Variants in USP24 observed in about 807,000 individuals in gnomAD.
USP24 encodes the protein ubiquitin specific peptidase 24, also known as ubiquitin carboxyl-terminal hydrolase 24.
Under a neutral mutation model 361.6 loss-of-function variants are expected in USP24, and 97 were observed. The observed-to-expected ratio is 0.27, with a 90% CI of 0.23 to 0.32. The LOEUF (loss-of-function observed/expected upper bound fraction) is 0.32, where lower values mean the gene tolerates loss of function less well. Ranked by LOEUF, USP24 falls within the 10% of genes least tolerant of loss-of-function variation. The pLI is 1.00. For missense variants in USP24, 2,353 were observed against 3,165.6 expected, an observed-to-expected ratio of 0.74 and a Z score of 6.16; for synonymous variants, 1,098 against 1,124.6, an observed-to-expected ratio of 0.98 and a Z score of 0.47.
intron 28 of USP24, among the ~76,000 whole-genome samples, chr1:55,135,073 C>T (rs1369067987): frequency 1.3e-5 from 2 of 152,142 alleles, no homozygotes; most frequent in Non-Finnish European, 2.9e-5. Context: ...ATACTATGTA[C>T]ACTGTTTTTG....
At chr1:55,187,106 G>A (rs965438576) in intron 1 of USP24, among the ~76,000 whole-genome samples, 1 of 151,938 alleles carries the variant, frequency 6.6e-6, no homozygotes, top group Non-Finnish European at 1.5e-5. Flanking sequence ...GGTAGGTTTA[G>A]TATACAAAAA....
rs1224925123 is a variant in USP24 at position 55,089,836 on chromosome 1, T to C, written c.6555-96A>G. 3.4e-5 allele frequency: 27 copies of C among 797,512 alleles called. 1 individual carries two copies. Among genetic ancestry groups the C allele is most frequent in the South Asian group, 3.1e-4 (17 of 54,164 alleles). 49.4% of individuals were successfully genotyped at this position (797,512 alleles called of 1,614,324 possible). ...TGTTGGTTCTTATCCTTTCTATCTATGAATGTCTCTCTGTATGTCTCTCGT... is the reference window on the plus strand; with the variant it reads ...TGTTGGTTCTTATCCTTTCTATCTACGAATGTCTCTCTGTATGTCTCTCGT... On this transcript the variant is annotated intron_variant, in intron 54 of 67. Coordinates refer to ENST00000294383, the MANE Select transcript of USP24 (RefSeq NM_015306.3).
chr1:55,083,428 C>T (rs1021227855), intron 57 of USP24, 64 bp from the exon 58 acceptor site: 21 of 1,503,660 alleles, frequency 1.4e-5, no homozygotes, highest in Admixed American at 1.8e-5. Context: ...GTTTTAAAAA[C>T]ACAGCTAAAT....
intron 1 of USP24, among the ~76,000 whole-genome samples, chr1:55,214,329 TC>T (rs1453564655): frequency 6.6e-6 from 1 of 151,926 alleles, no homozygotes; most frequent in Admixed American, 6.6e-5. Flanking sequence ...GCCTGGTGCC[TC>T]CGCCAATCCT....
chr1:55,163,650 CA>C (rs1243483961), intron 7 of USP24, among the ~76,000 whole-genome samples: 1 of 151,818 alleles, frequency 6.6e-6, no homozygotes, highest in Non-Finnish European at 1.5e-5. Flanking sequence ...TACTGATGGG[CA>C]AAAAAGCTTT....
intron 62 of USP24, among the ~76,000 whole-genome samples, chr1:55,075,920 G>A (rs1385767738): frequency 6.6e-6 from 1 of 152,052 alleles, no homozygotes; most frequent in East Asian, 1.9e-4. Flanking sequence ...AGTGAGCTAC[G>A]ACTGTGGCTC....
intron 7 of USP24, among the ~76,000 whole-genome samples, chr1:55,163,026 A>G (rs1403518407): frequency 1.3e-5 from 2 of 152,094 alleles, no homozygotes; most frequent in Non-Finnish European, 1.5e-5. Flanking sequence ...CAGCAACTAC[A>G]AATAATAAGG....
chr1:55,137,441 G>A (rs926233452), intron 28 of USP24, 74 bp downstream of exon 28: 18 of 1,490,632 alleles, frequency 1.2e-5, no homozygotes, highest in Non-Finnish European at 1.5e-5. Context: ...TTGTTATACA[G>A]TTTGGAAGAG....
intron 57 of USP24, 125 bp from the exon 58 acceptor site, chr1:55,083,489 G>GA: frequency 1.1e-6 from 1 of 937,978 alleles, no homozygotes; most frequent in Non-Finnish European, 1.6e-6. Flanking sequence ...TTTCCATATA[G>GA]AAAGTACTTG....
chr1:55,082,875 C>T (rs965903935), intron 58 of USP24, among the ~76,000 whole-genome samples: 3 of 152,250 alleles, frequency 2.0e-5, no homozygotes, highest in East Asian at 3.9e-4. Flanking sequence ...CACTATCATT[C>T]AGTTTATAAC....
At chr1:55,131,611 T>C (rs1646593520) in intron 31 of USP24, among the ~76,000 whole-genome samples, 1 of 152,190 alleles carries the variant, frequency 6.6e-6, no homozygotes, top group Non-Finnish European at 1.5e-5. Context: ...CAGTAAGATA[T>C]TGCTTGTATG....
intron 39 of USP24, among the ~76,000 whole-genome samples, chr1:55,109,831 C>T (rs777696010): frequency 2.6e-5 from 4 of 152,106 alleles, no homozygotes; most frequent in African/African-American, 7.2e-5. Flanking sequence ...ATCAACATGC[C>T]GCAACAAAGA....
intron 23 of USP24, among the ~76,000 whole-genome samples, chr1:55,142,166 A>T (rs1401427348): frequency 6.6e-6 from 1 of 152,162 alleles, no homozygotes; most frequent in Admixed American, 6.6e-5. Context: ...CTTTTGGAAC[A>T]TTTTTGCTTA....
Position 55,156,967 on chromosome 1 carries a change from G to A in USP24, c.1427C>T (p.Thr476Ile). 4 of 1,612,624 alleles carry A rather than the reference G, an allele frequency of 2.5e-6. No individual in the cohort carries two copies. The highest frequency in any genetic ancestry group is 1.7e-4 in the Middle Eastern group (1 of 6,056). Residue 476 changes from threonine to isoleucine, a missense_variant, in exon 12 of 68, where the codon ACT (threonine) becomes ATT (isoleucine). Thr to Ile is a moderately conservative substitution (Grantham distance 89, BLOSUM62 -1). Transcript: ENST00000294383. Reference sequence around the variant, plus strand: ...ACCTACCTGTATCTTCCAAATTTTAGTGAGTTCATCTAACGACAATTTACT... The same window carrying A: ...ACCTACCTGTATCTTCCAAATTTTAATGAGTTCATCTAACGACAATTTACT... ...LGSKLSLDEL[T>I]KIWKIQSGQS...
At chr1:55,169,759 G>A (rs1355602961) in intron 5 of USP24, among the ~76,000 whole-genome samples, 1 of 151,912 alleles carries the variant, frequency 6.6e-6, no homozygotes, top group African/African-American at 2.4e-5. Flanking sequence ...ATAAAGTAAA[G>A]TTCAGGCCAT....
intron 55 of USP24, among the ~76,000 whole-genome samples, chr1:55,088,585 T>C (rs1266874200): frequency 6.6e-6 from 1 of 151,884 alleles, no homozygotes; most frequent in Non-Finnish European, 1.5e-5. Flanking sequence ...GTGGCATCTG[T>C]GGTTGGGGTA....
chr1:55,158,701 C>T (rs1171391686), intron 10 of USP24, among the ~76,000 whole-genome samples, 177 bp downstream of exon 10: 1 of 152,122 alleles, frequency 6.6e-6, no homozygotes, highest in African/African-American at 2.4e-5. Flanking sequence ...TTGAAAGTAA[C>T]ACAGAAGATG....
intron 28 of USP24, among the ~76,000 whole-genome samples, chr1:55,135,190 G>A (rs1286306942): frequency 6.6e-6 from 1 of 151,950 alleles, no homozygotes; most frequent in Non-Finnish European, 1.5e-5. Context: ...TCGCTATGTT[G>A]GCCAGGTTGG....
chr1:55,145,921 G>C (rs1647016923), intron 20 of USP24, 77 bp downstream of exon 20: 1 of 1,042,618 alleles, frequency 9.6e-7, no homozygotes, highest in African/African-American at 1.6e-5. Context: ...TTCTGAGAAG[G>C]AGGATTAAAA....
Sources: allele counts gnomAD v4.1 joint callset (sites outside exome capture counted in the v4.1 genomes callset), GRCh38; gene constraint gnomAD v4.1.1; transcripts MANE v1.5; gene names NCBI Gene and HGNC (gene_info 2026-07-23, HGNC 2026-07-21).